Variants in GRHL2 observed in about 807,000 individuals in gnomAD.
GRHL2 encodes the protein grainyhead-like protein 2 homolog.
Under a neutral mutation model 83.8 loss-of-function variants are expected in GRHL2, and 21 were observed. The ratio of observed to expected loss-of-function variants is 0.25; its 90% CI spans 0.18 to 0.36. The LOEUF is 0.36. GRHL2 is among the 10% of genes least tolerant of loss of function. The pLI is 1.00. For missense variants in GRHL2, 623 were observed against 781.8 expected, an observed-to-expected ratio of 0.80 and a Z score of 2.42; for synonymous variants, 280 against 278.9, an observed-to-expected ratio of 1.00 and a Z score of -0.04.
At chr8:101,656,484 C>A (rs1025475463) in intron 14 of GRHL2, among the ~76,000 whole-genome samples, 1 of 152,174 alleles carries the variant, frequency 6.6e-6, no homozygotes, top group African/African-American at 2.4e-5. Context: ...GCAACTTAAG[C>A]CCAATTAGGG....
chr8:101,636,957 A>G, intron 12 of GRHL2, 29 bp downstream of exon 12: 1 of 1,606,216 alleles, frequency 6.2e-7, no homozygotes, highest in Non-Finnish European at 8.5e-7. Context: ...TCATTTCAAC[A>G]CTCCAAGTCA....
At chr8:101,644,835 C>T (rs957376444) in intron 13 of GRHL2, among the ~76,000 whole-genome samples, 1 of 151,778 alleles carries the variant, frequency 6.6e-6, no homozygotes, top group African/African-American at 2.4e-5. Flanking sequence ...GACCCAAGAC[C>T]TAGCCAGTAC....
chr8:101,575,373 T>C (rs1470393700), intron 6 of GRHL2, among the ~76,000 whole-genome samples: 1 of 152,200 alleles, frequency 6.6e-6, no homozygotes, highest in Non-Finnish European at 1.5e-5. Flanking sequence ...TTTGCTGAAA[T>C]CATGAAAATA....
chr8:101,628,981 T>C (rs1813132501), intron 9 of GRHL2, among the ~76,000 whole-genome samples: 1 of 152,160 alleles, frequency 6.6e-6, no homozygotes, highest in Non-Finnish European at 1.5e-5. Context: ...GTGAACATTG[T>C]TGGAATGACA....
rs1194414231 is a variant in GRHL2, at chr8:101,666,745, T to C, written c.*42T>C. The C allele has an allele frequency of 8.9e-7, 1 of 1,124,386 alleles. No individual in the cohort carries two copies. The highest frequency in any genetic ancestry group is 1.4e-6 in the Non-Finnish European group (1 of 735,160). 69.7% of individuals were successfully genotyped at this position (1,124,386 alleles called of 1,614,324 possible). ...CGCTTTGGCTGGAGCTCTCAGTGCG[T>C]TCCTCCCTGAGAGAGACAGAAGCCC... On this transcript the variant is annotated 3_prime_UTR_variant, in exon 16 of 16. Coordinates refer to ENST00000646743, the MANE Select transcript of GRHL2 (RefSeq NM_024915.4).
At chr8:101,658,855 A>T (rs2129744512) in intron 14 of GRHL2, among the ~76,000 whole-genome samples, 1 of 152,338 alleles carries the variant, frequency 6.6e-6, no homozygotes, top group South Asian at 2.1e-4. Flanking sequence ...GGAAGTCAGA[A>T]TGGTAGTTAG....
chr8:101,572,944 A>G (rs1811856189), intron 5 of GRHL2, among the ~76,000 whole-genome samples: 1 of 152,230 alleles, frequency 6.6e-6, no homozygotes, highest in Non-Finnish European at 1.5e-5. Flanking sequence ...CTGCTGTAGT[A>G]CGAAAGCAGT....
chr8:101,626,628 C>A (rs1813085916), intron 9 of GRHL2, among the ~76,000 whole-genome samples: 3 of 151,992 alleles, frequency 2.0e-5, no homozygotes, highest in Non-Finnish European at 4.4e-5. Context: ...CAAAAATGAT[C>A]ACAATATTGG....
intron 14 of GRHL2, 88 bp from the exon 15 acceptor site, chr8:101,664,366 T>C (rs1479372398): frequency 1.1e-6 from 1 of 914,160 alleles, no homozygotes; most frequent in Non-Finnish European, 1.8e-6. Context: ...TGGGAAAATG[T>C]CCAAGGGAGT....
chr8:101,555,502 A>G (rs1377582052), intron 3 of GRHL2, among the ~76,000 whole-genome samples: 1 of 152,132 alleles, frequency 6.6e-6, no homozygotes, highest in Non-Finnish European at 1.5e-5. Flanking sequence ...TATGTGAGGA[A>G]TATCTATTAA....
rs549491841 is a variant in GRHL2 at position 101,667,041 on chromosome 8, C to G, written c.*338C>G. 2.0e-5 allele frequency: 8 copies of G among 404,058 alleles called. No individual in the cohort carries two copies. The highest frequency in any genetic ancestry group is 6.0e-5 in the African/African-American group (3 of 49,756). The allele number at this position is 404,058 out of a possible 1,614,324, so 25.0% of individuals were successfully genotyped here. On this transcript the variant is annotated 3_prime_UTR_variant, in exon 16 of 16. Transcript: ENST00000646743. Reference sequence around the variant, plus strand: ...TCCAGATGAGACCGTCCAGCGTTCCCCCTTCAAGAGAAACACTCATCCCGA... The same window carrying G: ...TCCAGATGAGACCGTCCAGCGTTCCGCCTTCAAGAGAAACACTCATCCCGA...
rs56301334 is a variant in GRHL2, at chr8:101,643,369, CAA to C, written c.1518-736_1518-735del. Reference sequence around the variant, plus strand: ...CTATCCTCTTAGTTTCTGTTTCTCTCAAAAAAAAAAAAAAAAAAAAAAAAAAA... The same window carrying C: ...CTATCCTCTTAGTTTCTGTTTCTCTCAAAAAAAAAAAAAAAAAAAAAAAAA... On this transcript the variant is annotated intron_variant, in intron 12 of 15. Coordinates refer to ENST00000646743, the MANE Select transcript of GRHL2 (RefSeq NM_024915.4). Among the ~76,000 whole-genome samples the C allele has an allele frequency of 2.0e-3, 198 of 96,948 alleles. 1 individual carries two copies. Among genetic ancestry groups the C allele is most frequent in the African/African-American group, 5.3e-3 (146 of 27,614 alleles). 63.6% of individuals were successfully genotyped at this position (96,948 alleles called of 152,430 possible).
downstream of GRHL2, among the ~76,000 whole-genome samples, chr8:101,670,977 C>A (rs1027275478): frequency 1.3e-5 from 2 of 152,122 alleles, no homozygotes; most frequent in African/African-American, 2.4e-5. Context: ...TATAGTGGGG[C>A]CTCTGATCAG....
chr8:101,562,283 A>T (rs759972315), intron 4 of GRHL2: 3 of 614,238 alleles, frequency 4.9e-6, no homozygotes, highest in Non-Finnish European at 8.9e-6. Context: ...TTTCAAATTC[A>T]AATGAATTAT....
intron 13 of GRHL2, among the ~76,000 whole-genome samples, 184 bp from the exon 14 acceptor site, chr8:101,649,230 C>T (rs1052477262): frequency 3.9e-4 from 59 of 152,186 alleles, no homozygotes; most frequent in African/African-American, 1.4e-3. Flanking sequence ...CAGTCCCTAG[C>T]CACAGGTTGT....
intron 1 of GRHL2, among the ~76,000 whole-genome samples, chr8:101,510,059 C>T (rs1420453253): frequency 2.0e-5 from 3 of 152,224 alleles, no homozygotes; most frequent in South Asian, 2.1e-4. Flanking sequence ...GGTGTGATTT[C>T]GGCTCACTGC....
chr8:101,517,953 C>T (rs1024843103), intron 1 of GRHL2, among the ~76,000 whole-genome samples: 2 of 152,150 alleles, frequency 1.3e-5, no homozygotes, highest in Non-Finnish European at 1.5e-5. Context: ...ACCAGCACCT[C>T]GCTTATTCCC....
chr8:101,543,257 G>A lies in GRHL2; in HGVS notation c.37G>A (p.Ala13Thr). 4 of 1,613,900 alleles carry A rather than the reference G, an allele frequency of 2.5e-6. No homozygotes were observed. Among genetic ancestry groups the A allele is most frequent in the East Asian group, 4.5e-5 (2 of 44,884 alleles). Reference protein sequence around the residue: ...QESDNNKRLVALVPMPSDPPF... With the variant: ...QESDNNKRLVTLVPMPSDPPF... ...TTTTTACAGTAATAAAAGACTAGTGGCCTTAGTGCCCATGCCCAGTGACCC... is the reference window on the plus strand; with the variant it reads ...TTTTTACAGTAATAAAAGACTAGTGACCTTAGTGCCCATGCCCAGTGACCC... Residue 13 changes from alanine (A) to threonine (T), a missense_variant, in exon 2 of 16, where the codon GCC (alanine) becomes ACC (threonine). Ala to Thr is a moderately conservative substitution (Grantham distance 58, BLOSUM62 0). This residue lies in a region of GRHL2 where 39 missense variants were observed against 34.8 expected (regional missense o/e 1.12). Transcript: ENST00000646743.
At chr8:101,497,556 A>G (rs1417548171) in intron 1 of GRHL2, among the ~76,000 whole-genome samples, 2 of 152,246 alleles carry the variant, frequency 1.3e-5, no homozygotes, top group African/African-American at 4.8e-5. Context: ...AGGAATTTCT[A>G]AAATCATTGC....
Sources: gnomAD v4.1 joint callset for allele counts (sites outside exome capture counted in the v4.1 genomes callset) on GRCh38, gnomAD v4.1.1 for gene constraint, gnomAD v4.1.1 regional missense constraint, MANE v1.5 for transcripts, NCBI Gene and HGNC (gene_info 2026-07-23, HGNC 2026-07-21) for gene names.